FREM2: variants seen among roughly 807,000 people sequenced by gnomAD.
FREM2 encodes the protein FRAS1 related extracellular matrix 2.
A neutral mutation model predicts 219.9 loss-of-function variants in FREM2; 119 were observed. The observed-to-expected ratio is 0.54, with a 90% confidence interval of 0.47 to 0.63. The LOEUF (loss-of-function observed/expected upper bound fraction) is 0.63. Among genes scored for constraint, FREM2 ranks in the 30% least tolerant of loss-of-function variants. The pLI, the probability that FREM2 is intolerant of heterozygous loss-of-function variation, is 0.00. For missense variants in FREM2, 4,030 were observed against 3,993.6 expected (o/e 1.01, Z -0.25); for synonymous variants, 1,562 against 1,522.8 (o/e 1.03, Z -0.60).
chr13:38,845,678 A>T (rs368158293), intron 6 of FREM2, among the ~76,000 whole-genome samples: 6 of 151,798 alleles, frequency 4.0e-5, no homozygotes, highest in African/African-American at 4.8e-5. Flanking sequence ...CTCAAAATAA[A>T]TTTTTTTTTA....
Position 38,872,765 on chromosome 13 carries a change from T to C in FREM2, c.8007T>C (p.Tyr2669=). ...AGGTCCTAAACCTAGTGCAGTCCTA[T>C]GTGACCCTTCGAGTCCCTCTGTATG... ...DGQVLNLVQS[Y]VTLRVPLYVS... Residue 2669 remains tyrosine (Y), a synonymous_variant, in exon 17 of 24, where the codon TAT becomes TAC. Coordinates refer to ENST00000280481, the MANE Select transcript of FREM2 (RefSeq NM_207361.6). 1.9e-6 allele frequency: 3 copies of C among 1,614,088 alleles called. No homozygotes were observed. The highest frequency in any genetic ancestry group is 1.7e-6 in the Non-Finnish European group (2 of 1,179,920).
At chr13:38,812,292 T>C (rs144398952) in intron 6 of FREM2, among the ~76,000 whole-genome samples, 160 of 152,252 alleles carry the variant, frequency 1.1e-3, no homozygotes, top group African/African-American at 3.8e-3. Flanking sequence ...TCCATTTACA[T>C]TTAAGGTTAT....
intron 1 of FREM2, among the ~76,000 whole-genome samples, chr13:38,695,091 T>G (rs1272982337): frequency 3.3e-5 from 5 of 152,212 alleles, no homozygotes; most frequent in Admixed American, 3.3e-4. Context: ...TAGATAATTC[T>G]TAGATATTTG....
At chr13:38,728,348 G>A (rs965434174) in intron 2 of FREM2, among the ~76,000 whole-genome samples, 3 of 152,232 alleles carry the variant, frequency 2.0e-5, no homozygotes, top group Admixed American at 6.5e-5. Flanking sequence ...CTCCATTTGA[G>A]TTATTCAGAA....
chr13:38,722,915 A>G (rs901377002), intron 2 of FREM2, among the ~76,000 whole-genome samples: 1 of 152,148 alleles, frequency 6.6e-6, no homozygotes, highest in Non-Finnish European at 1.5e-5. Flanking sequence ...AGTGTTGAAT[A>G]TTTAAACTTC....
Position 38,881,434 on chromosome 13 carries a change from GT to G in FREM2, c.*650del, listed in dbSNP as rs1878545222. The stretch of plus-strand genomic sequence containing the variant: ...ATTCTCATCAGACTCTCCTTGTTTT[GT>G]TTGCATATTTAATTTTAAATTAAAC... On this transcript the variant is annotated 3_prime_UTR_variant, in exon 24 of 24. Coordinates refer to ENST00000280481, the MANE Select transcript of FREM2 (RefSeq NM_207361.6). 1 of 154,532 alleles carries G rather than the reference GT, an allele frequency of 6.5e-6. No homozygotes were observed. Among genetic ancestry groups the G allele is most frequent in the East Asian group, 1.9e-4 (1 of 5,228 alleles). 9.6% of individuals were successfully genotyped at this position (154,532 alleles called of 1,614,324 possible).
At chr13:38,809,316 A>T (rs530833848) in intron 6 of FREM2, among the ~76,000 whole-genome samples, 41 of 149,714 alleles carry the variant, frequency 2.7e-4, no homozygotes, top group Admixed American at 5.3e-4. Flanking sequence ...TTTTTTTTTT[A>T]AATTTTTGCA....
chr13:38,858,772 G>A lies in FREM2; in HGVS notation c.7216-515G>A, dbSNP rs114772641. 7.6e-3 allele frequency among the ~76,000 whole-genome samples: 1,162 copies of A among 152,240 alleles called. 18 individuals are homozygous for A. The highest frequency in any genetic ancestry group is 0.026 in the African/African-American group (1,098 of 41,530). The stretch of plus-strand genomic sequence containing the variant: ...ATTTGGACTTCATTTGTTGGGTAGC[G>A]AAGAGTTCTCACATGGAAGAATGAT... On this transcript the variant is annotated intron_variant, in intron 13 of 23. Coordinates refer to ENST00000280481, the MANE Select transcript of FREM2 (RefSeq NM_207361.6).
At chr13:38,847,067 C>G (rs1167182521) in intron 7 of FREM2, among the ~76,000 whole-genome samples, 1 of 152,112 alleles carries the variant, frequency 6.6e-6, no homozygotes, top group African/African-American at 2.4e-5. Flanking sequence ...TGCACATAAT[C>G]TATCCCCACA....
chr13:38,775,249 G>A (rs753661939), intron 4 of FREM2, among the ~76,000 whole-genome samples: 2 of 152,156 alleles, frequency 1.3e-5, no homozygotes, highest in African/African-American at 4.8e-5. Context: ...GACATAAGGA[G>A]GTCACTGGCT....
rs1228296843 is a variant in FREM2, at chr13:38,861,520, A to G, written c.7609A>G (p.Thr2537Ala). 2 of 1,614,038 alleles carry G rather than the reference A, an allele frequency of 1.2e-6. No homozygotes were observed. The highest frequency in any genetic ancestry group is 1.1e-5 in the South Asian group (1 of 91,080). The change falls in exon 15 of 24, where the codon ACA becomes GCA. Residue 2537 changes from threonine to alanine, a missense_variant. By Grantham distance (58) the Thr-to-Ala change is moderately conservative (BLOSUM62 0). Transcript: ENST00000280481. ...CACAGGCCCTGAGGATGCAGACTAC[A>G]CAAACCTTATCAAGCTCACTGTCAC... ...RYTGPEDADY[T>A]NLIKLTVTMP...
chr13:38,822,353 T>TTC (rs1017224634), intron 6 of FREM2, among the ~76,000 whole-genome samples: 16 of 147,748 alleles, frequency 1.1e-4, no homozygotes, highest in African/African-American at 3.8e-4. Flanking sequence ...CTTTCTTTTT[T>TTC]TTTTTTTTTT....
intron 9 of FREM2, 60 bp from the exon 10 acceptor site, chr13:38,850,884 A>G (rs1877343087): frequency 1.3e-6 from 2 of 1,591,020 alleles, no homozygotes; most frequent in South Asian, 1.1e-5. Context: ...TGGTGCTCAC[A>G]TTCTAGTTGT....
intron 2 of FREM2, among the ~76,000 whole-genome samples, chr13:38,729,834 A>C (rs903722442): frequency 2.0e-5 from 3 of 152,238 alleles, no homozygotes; most frequent in Non-Finnish European, 4.4e-5. Context: ...TAGTAACATC[A>C]GGAGAAATGA....
chr13:38,744,555 G>C (rs1872388064), intron 2 of FREM2, among the ~76,000 whole-genome samples: 1 of 151,972 alleles, frequency 6.6e-6, no homozygotes, highest in Non-Finnish European at 1.5e-5. Flanking sequence ...GCAGTGGCGT[G>C]ATCTCGGCTC....
rs1430889253 is a variant in FREM2, at chr13:38,883,263, A to G, written c.*2476A>G. The G allele has an allele frequency of 1.3e-5, 2 of 152,164 alleles. No homozygotes were observed. Among genetic ancestry groups the G allele is most frequent in the Admixed American group, 1.3e-4 (2 of 15,280 alleles). The allele number at this position is 152,164 out of a possible 1,614,324, so 9.4% of individuals were successfully genotyped here. On this transcript the variant is annotated 3_prime_UTR_variant, in exon 24 of 24. Coordinates refer to ENST00000280481, the MANE Select transcript of FREM2 (RefSeq NM_207361.6). The stretch of plus-strand genomic sequence containing the variant: ...TTACTAAGTATGTAATTTAATATAC[A>G]TTAATTATTTTTTGAAACTCTTGTT...
intron 2 of FREM2, among the ~76,000 whole-genome samples, chr13:38,735,971 G>T (rs1448072218): frequency 1.3e-5 from 2 of 152,140 alleles, no homozygotes; most frequent in Non-Finnish European, 2.9e-5. Context: ...GGAAAAGGAA[G>T]AGCCTTCAGT....
At chr13:38,797,087 A>G (rs1300851100) in intron 6 of FREM2, among the ~76,000 whole-genome samples, 1 of 151,848 alleles carries the variant, frequency 6.6e-6, no homozygotes, top group Non-Finnish European at 1.5e-5. Context: ...TATGTTGCCC[A>G]GGCTGGTCTA....
chr13:38,757,471 G>A (rs2137801801), intron 2 of FREM2, among the ~76,000 whole-genome samples: 1 of 152,180 alleles, frequency 6.6e-6, no homozygotes, highest in Middle Eastern at 3.4e-3. Flanking sequence ...CTTGTACATG[G>A]CTATCCTAAA....
Sources: gnomAD v4.1 joint callset for allele counts (sites outside exome capture counted in the v4.1 genomes callset) on GRCh38, gnomAD v4.1.1 for gene constraint, MANE v1.5 for transcripts, NCBI Gene and HGNC (gene_info 2026-07-23, HGNC 2026-07-21) for gene names.